The following FBLN1 variants were observed in gnomAD, a reference collection of about 807,000 sequenced individuals.
FBLN1 encodes fibulin-1.
Under a neutral mutation model 89.7 loss-of-function variants are expected in FBLN1, and 34 were observed. The observed-to-expected ratio is 0.38, with a 90% CI of 0.29 to 0.50. FBLN1 has a LOEUF of 0.50. FBLN1 is among the 20% of genes least tolerant of loss of function. The pLI is 0.92. For synonymous variants in FBLN1, 393 were observed against 391.3 expected (o/e 1.00, Z -0.05); for missense variants, 777 against 988.1 (o/e 0.79, Z 2.86).
In FBLN1 at chr22:45,562,678, C is replaced by G. The variant is rs559511708; in HGVS notation, c.1698-11833C>G. ...CACTCCGGGCACAGCCTTTGGCCCC[C>G]GGCCACCCAGCGCCCGAGATGGTGT... On this transcript the variant is annotated intron_variant, in intron 14 of 16. Coordinates refer to ENST00000327858, the MANE Select transcript of FBLN1 (RefSeq NM_006486.3). The surrounding 1 kb of genome is among the most constrained non-coding windows in gnomAD (Gnocchi z 7.8). Among the ~76,000 whole-genome samples the G allele has an allele frequency of 6.6e-6, 1 of 152,230 alleles. No individual in the cohort carries two copies. Among genetic ancestry groups the G allele is most frequent in the Non-Finnish European group, 1.5e-5 (1 of 68,038 alleles).
intron 14 of FBLN1, among the ~76,000 whole-genome samples, chr22:45,573,362 T>C (rs937872349): frequency 1.1e-4 from 17 of 151,380 alleles, no homozygotes; most frequent in Non-Finnish European, 1.6e-4. Flanking sequence ...AGACGCACAC[T>C]GATGTGAGAA....
At chr22:45,517,539 C>T (rs1274663695) in intron 1 of FBLN1, 11 of 470,612 alleles carry the variant, frequency 2.3e-5, no homozygotes, top group South Asian at 6.2e-5. Flanking sequence ...GGGTGTGGGC[C>T]GGCTGCTTGG....
At chr22:45,526,327 C>T (rs62225011) in intron 3 of FBLN1, among the ~76,000 whole-genome samples, 6,197 of 152,246 alleles carry the variant, frequency 0.041, 166 homozygotes, top group Middle Eastern at 0.065. Context: ...CCGCTATGGC[C>T]GTGGAAGGGC....
intron 11 of FBLN1, among the ~76,000 whole-genome samples, chr22:45,543,855 C>T (rs566309327): frequency 1.2e-4 from 19 of 152,306 alleles, no homozygotes; most frequent in Non-Finnish European, 2.5e-4. Flanking sequence ...TCCCTGCCTC[C>T]GTGTCCTCCC....
rs1459403640 is a variant in FBLN1 at position 45,556,975 on chromosome 22, T to C, written c.1697+6360T>C. Among the ~76,000 whole-genome samples the C allele has an allele frequency of 6.6e-6, 1 of 152,144 alleles. No homozygotes were observed. The highest frequency in any genetic ancestry group is 2.4e-5 in the African/African-American group (1 of 41,436). On this transcript the variant is annotated intron_variant, in intron 14 of 16. Transcript: ENST00000327858. The surrounding 1 kb of genome is among the most constrained non-coding windows in gnomAD (Gnocchi z 4.6). ...CTATGGGAGAAACAGTGCCATAATA[T>C]TGGACCCTGATTCAGAGCATACATG...
At chr22:45,518,864 T>G in intron 2 of FBLN1, 77 bp downstream of exon 2, 1 of 1,299,488 alleles carries the variant, frequency 7.7e-7, no homozygotes, top group Non-Finnish European at 1.1e-6. Flanking sequence ...GGACAGTGTG[T>G]GCCAGACCTC....
intron 9 of FBLN1, among the ~76,000 whole-genome samples, chr22:45,541,724 G>C (rs191637648): frequency 3.3e-5 from 5 of 152,316 alleles, no homozygotes; most frequent in Admixed American, 1.3e-4. Context: ...AGGCAATGTG[G>C]GTCTGCCACT....
rs368290291 is a variant in FBLN1, at chr22:45,577,157, C to T, written c.1972+49C>T. 248 of 1,606,672 alleles carry T rather than the reference C, an allele frequency of 1.5e-4. No homozygotes were observed. In the African/African-American group the frequency reaches 2.7e-3, roughly 18 times the overall value. On this transcript the variant is annotated intron_variant, in intron 16 of 16. Coordinates refer to ENST00000327858, the MANE Select transcript of FBLN1 (RefSeq NM_006486.3). The surrounding 1 kb of genome is among the most constrained non-coding windows in gnomAD (Gnocchi z 6.6). ...CTATCCAGGCACCCCTCCCCCTCCACCCCGAAACCCTCTCTGGCCCAGCCC... is the reference window on the plus strand; with the variant it reads ...CTATCCAGGCACCCCTCCCCCTCCATCCCGAAACCCTCTCTGGCCCAGCCC...
intron 16 of FBLN1, among the ~76,000 whole-genome samples, chr22:45,586,851 AT>A (rs1428492807): frequency 6.6e-6 from 1 of 152,084 alleles, no homozygotes; most frequent in African/African-American, 2.4e-5. Flanking sequence ...GGTCCTAGTG[AT>A]GCCTGTCGGT....
In FBLN1 at chr22:45,576,893, C is replaced by T. The variant is rs1569263537; in HGVS notation, c.1841-84C>T. ...GGCCCTGGGTTAGGTCTTCATTCCC[C>T]AAGGGTGAGTTCCTGGGGACGAGGC... On this transcript the variant is annotated intron_variant, in intron 15 of 16. Coordinates refer to ENST00000327858, the MANE Select transcript of FBLN1 (RefSeq NM_006486.3). This position sits in a 1 kb window ranked among gnomAD's most constrained non-coding sequence, Gnocchi z 5.2. 3 of 1,560,512 alleles carry T rather than the reference C, an allele frequency of 1.9e-6. No homozygotes were observed. The highest frequency in any genetic ancestry group is 1.7e-5 in the Admixed American group (1 of 58,600).
intron 16 of FBLN1, among the ~76,000 whole-genome samples, chr22:45,594,949 C>G (rs1234277520): frequency 6.6e-6 from 1 of 152,134 alleles, no homozygotes; most frequent in Non-Finnish European, 1.5e-5. Flanking sequence ...AAAGTGGTAT[C>G]AGAATCTTGA....
rs1303753441 is a variant in FBLN1, at chr22:45,562,114, C to T, written c.1697+11499C>T. 6.6e-6 allele frequency among the ~76,000 whole-genome samples: 1 copy of T among 152,184 alleles called. No homozygotes were observed. The highest frequency in any genetic ancestry group is 6.5e-5 in the Admixed American group (1 of 15,282). On this transcript the variant is annotated intron_variant, in intron 14 of 16. Coordinates refer to ENST00000327858, the MANE Select transcript of FBLN1 (RefSeq NM_006486.3). The surrounding 1 kb of genome is among the most constrained non-coding windows in gnomAD (Gnocchi z 7.8). The stretch of plus-strand genomic sequence containing the variant: ...ATCCAATCAAGTTGACACTATTAAC[C>T]ATCACAGGACCTGTCCCCGTCTCCA...
In FBLN1 at chr22:45,545,868, C is replaced by T. The variant is rs982686339; in HGVS notation, c.1322-1217C>T. Among the ~76,000 whole-genome samples the T allele has an allele frequency of 2.0e-5, 3 of 152,174 alleles. No individual in the cohort carries two copies. Among genetic ancestry groups the T allele is most frequent in the Non-Finnish European group, 2.9e-5 (2 of 68,024 alleles). On this transcript the variant is annotated intron_variant, in intron 11 of 16. Coordinates refer to ENST00000327858, the MANE Select transcript of FBLN1 (RefSeq NM_006486.3). The surrounding 1 kb of genome is among the most constrained non-coding windows in gnomAD (Gnocchi z 5.9). ...GACCATGGTAAAAGAATGAGTGTGG[C>T]AGGGCACAGTGGCTCACACCTGTAA...
At chr22:45,535,127 G>A (rs2146971327) in intron 7 of FBLN1, 73 bp from the exon 8 acceptor site, 1 of 1,566,338 alleles carries the variant, frequency 6.4e-7, no homozygotes, top group Non-Finnish European at 8.8e-7. Context: ...AAGCTTTCTT[G>A]TGATTTTAAA....
chr22:45,541,457 A>G, intron 9 of FBLN1, 85 bp downstream of exon 9: 6 of 1,554,506 alleles, frequency 3.9e-6, no homozygotes, highest in Non-Finnish European at 8.8e-7. Flanking sequence ...CAGAAAGTTG[A>G]TCCCCAAAGC....
chr22:45,551,934 G>C (rs1482320205), intron 14 of FBLN1, among the ~76,000 whole-genome samples: 2 of 152,248 alleles, frequency 1.3e-5, no homozygotes, highest in Non-Finnish European at 2.9e-5. Context: ...CTTTCGAAGA[G>C]GGGGAGGCTG....
Position 45,508,754 on chromosome 22 carries a change from T to A in FBLN1, c.79+5690T>A, listed in dbSNP as rs566416435. 9.9e-5 allele frequency among the ~76,000 whole-genome samples: 15 copies of A among 152,250 alleles called. No homozygotes were observed. In the South Asian group the frequency reaches 3.1e-3, roughly 32 times the overall value. On this transcript the variant is annotated intron_variant, in intron 1 of 16. Transcript: ENST00000327858. ...CTTTGCCCCCACTTTATAGAATACC[T>A]AGGATCATGTGAGATCATTTGTGCG... is the stretch of plus-strand genomic sequence containing the variant.
At position 45,519,522 on chromosome 22, in the gene FBLN1, G is replaced by A. The variant is rs143497692; in HGVS notation, c.185+735G>A. 1.7e-3 allele frequency among the ~76,000 whole-genome samples: 261 copies of A among 151,698 alleles called. 1 individual carries two copies. The highest frequency in any genetic ancestry group is 6.0e-3 in the African/African-American group (246 of 41,322). ...GCCTGTAATCCCAGCTACTTGGGAG[G>A]CTGAGGCCAGAGAATTGCTTGAACC... On this transcript the variant is annotated intron_variant, in intron 2 of 16. Transcript: ENST00000327858.
At chr22:45,571,852 C>T (rs1157140895) in intron 14 of FBLN1, among the ~76,000 whole-genome samples, 4 of 152,076 alleles carry the variant, frequency 2.6e-5, no homozygotes, top group African/African-American at 9.7e-5. Flanking sequence ...AAAAACAGGC[C>T]AGGCGCGGTG....
Sources: allele counts gnomAD v4.1 joint callset (sites outside exome capture counted in the v4.1 genomes callset), GRCh38; gene constraint gnomAD v4.1.1; non-coding constraint Gnocchi (gnomAD v3.1); transcripts MANE v1.5; gene names NCBI Gene and HGNC (gene_info 2026-07-23, HGNC 2026-07-21).